Variants in ANO7 observed in about 807,000 individuals in gnomAD.
The protein encoded by ANO7 is anoctamin 7.
In ANO7, 114 loss-of-function variants were observed where a neutral mutation model predicts 115.8. The observed-to-expected ratio is 0.98, with a 90% confidence interval of 0.85 to 1.15. ANO7 has a LOEUF of 1.15. Among genes scored for constraint, ANO7 ranks in the 50% most tolerant of loss-of-function variants. The probability of loss-of-function intolerance (pLI) is 0.00; values close to 1 mark genes in which losing one functional copy is unlikely to be tolerated. For synonymous variants in ANO7, 550 were observed against 498.2 expected (o/e 1.10, Z -1.38); for missense variants, 1,302 against 1,201.2 (o/e 1.08, Z -1.24).
chr2:241,215,057 G>T (rs2068800090), intron 18 of ANO7, among the ~76,000 whole-genome samples, 155 bp downstream of exon 18: 1 of 152,200 alleles, frequency 6.6e-6, no homozygotes, highest in Non-Finnish European at 1.5e-5. Flanking sequence ...CCGGCCGTCT[G>T]CCCCGGGCTC....
At chr2:241,196,480 C>T (rs1206264045) in intron 4 of ANO7, among the ~76,000 whole-genome samples, 1 of 152,268 alleles carries the variant, frequency 6.6e-6, no homozygotes, top group Non-Finnish European at 1.5e-5. Flanking sequence ...CTTCCTCTGT[C>T]CCCAGGAGCA....
chr2:241,210,733 G>A (rs1427827911), intron 15 of ANO7, among the ~76,000 whole-genome samples, 163 bp downstream of exon 15: 1 of 152,192 alleles, frequency 6.6e-6, no homozygotes, highest in Non-Finnish European at 1.5e-5. Context: ...AAGCTGGAGT[G>A]CACTGGCACG....
intron 21 of ANO7, among the ~76,000 whole-genome samples, chr2:241,221,807 AGCTGGGATTACAGGT>A (rs2069026131): frequency 6.6e-6 from 1 of 151,692 alleles, no homozygotes; most frequent in African/African-American, 2.4e-5. Flanking sequence ...CCTCCTGAGT[AGCTGGGATTACAGGT>A]GCCTGCCACC....
chr2:241,221,606 G>A (rs568948671), intron 21 of ANO7, among the ~76,000 whole-genome samples: 5 of 146,848 alleles, frequency 3.4e-5, no homozygotes, highest in African/African-American at 7.6e-5. Context: ...CTCAAACTCC[G>A]AACCTCAGGT....
chr2:241,204,838 G>A (rs1385597056), intron 9 of ANO7, 27 bp from the exon 10 acceptor site: 1 of 1,600,274 alleles, frequency 6.2e-7, no homozygotes, highest in South Asian at 1.1e-5. Flanking sequence ...GGTTCCTGAT[G>A]GTGGACCCCT....
intron 4 of ANO7, among the ~76,000 whole-genome samples, chr2:241,198,904 T>C (rs775277270): frequency 6.6e-6 from 1 of 152,184 alleles, no homozygotes; most frequent in East Asian, 1.9e-4. Context: ...ACAGCATGCA[T>C]GTACACCTGG....
Position 241,208,511 on chromosome 2 carries a change from C to T in ANO7, c.1078-774C>T, listed in dbSNP as rs142185190. On this transcript the variant is annotated intron_variant, in intron 11 of 24. Coordinates refer to ENST00000674324, the MANE Select transcript of ANO7 (RefSeq NM_001370694.2). ...TGTAAGGGTTTGTCCAGAGTACTCTCATCTGGAGATCCTTACCTTACATCT... is the reference window on the plus strand; with the variant it reads ...TGTAAGGGTTTGTCCAGAGTACTCTTATCTGGAGATCCTTACCTTACATCT... 5.9e-3 allele frequency among the ~76,000 whole-genome samples: 898 copies of T among 152,336 alleles called. 8 individuals are homozygous for T. The highest frequency in any genetic ancestry group is 7.7e-3 in the Non-Finnish European group (527 of 68,042).
the ANO7 span, among the ~76,000 whole-genome samples, chr2:241,233,511 C>G: frequency 4.1e-4 from 63 of 152,258 alleles, no homozygotes; most frequent in Non-Finnish European, 7.4e-4. The surrounding 1 kb of genome is among the most constrained non-coding windows in gnomAD (Gnocchi z 4.3). Context: ...GCCCGGGTGA[C>G]AGGTGAATGA....
rs555846196 is a variant in ANO7 at position 241,211,250 on chromosome 2, T to C, written c.1561+680T>C. Among the ~76,000 whole-genome samples the C allele has an allele frequency of 4.8e-3, 728 of 152,258 alleles. 1 individual carries two copies. The highest frequency in any genetic ancestry group is 5.5e-3 in the Non-Finnish European group (372 of 68,024). On this transcript the variant is annotated intron_variant, in intron 15 of 24. Coordinates refer to ENST00000674324, the MANE Select transcript of ANO7 (RefSeq NM_001370694.2). The stretch of plus-strand genomic sequence containing the variant: ...CCCTCTAGGATAGGGCCGCTGAGCC[T>C]CTGTTGGGTGGTGTGGGGTATCGGC...
chr2:241,230,310 G>C (rs778316785), downstream of ANO7: 24 of 1,170,226 alleles, frequency 2.1e-5, no homozygotes, highest in South Asian at 3.1e-4. This position sits in a 1 kb window ranked among gnomAD's most constrained non-coding sequence, Gnocchi z 5.0. Context: ...GACTCCAAGC[G>C]AGGAAAAGGG....
chr2:241,217,547 G>T (rs2068861428), intron 19 of ANO7, 139 bp from the exon 20 acceptor site: 2 of 995,290 alleles, frequency 2.0e-6, no homozygotes, highest in Non-Finnish European at 2.9e-6. Context: ...CAGGACGAGG[G>T]AGACCAGGAG....
chr2:241,196,111 A>C, intron 4 of ANO7: 5 of 1,389,944 alleles, frequency 3.6e-6, no homozygotes, highest in Non-Finnish European at 4.7e-6. Flanking sequence ...AAACTCTGAC[A>C]CTACCTTTGC....
In ANO7 at chr2:241,225,928, ACTTC is replaced by A. The variant is rs1012802123; in HGVS notation, c.*1781_*1784del. Among the ~76,000 whole-genome samples the A allele has an allele frequency of 2.0e-5, 3 of 152,170 alleles. No homozygotes were observed. Among genetic ancestry groups the A allele is most frequent in the African/African-American group, 4.8e-5 (2 of 41,430 alleles). The stretch of plus-strand genomic sequence containing the variant: ...CAATGCTTACTACAAACCCACGTGT[ACTTC>A]CTTCCAGCTGGTTGCTTTTTATTGT... On this transcript the variant is annotated 3_prime_UTR_variant, in exon 25 of 25. Coordinates refer to ENST00000674324, the MANE Select transcript of ANO7 (RefSeq NM_001370694.2).
At chr2:241,200,415 C>G (rs569994895) in intron 6 of ANO7, among the ~76,000 whole-genome samples, 190 bp downstream of exon 6, 2 of 152,380 alleles carry the variant, frequency 1.3e-5, no homozygotes, top group African/African-American at 4.8e-5. Flanking sequence ...CGGGCTGGGG[C>G]GGTTGTGCTG....
At chr2:241,198,923 C>G (rs1008784113) in intron 4 of ANO7, among the ~76,000 whole-genome samples, 1 of 152,216 alleles carries the variant, frequency 6.6e-6, no homozygotes, top group African/African-American at 2.4e-5. Context: ...GGTGACCGAT[C>G]AAAGGTGAGG....
chr2:241,209,428 G>A lies in ANO7; in HGVS notation c.1221G>A (p.Glu407=), dbSNP rs748782809. 2 of 1,594,200 alleles carry A rather than the reference G, an allele frequency of 1.3e-6. No individual in the cohort carries two copies. The highest frequency in any genetic ancestry group is 1.3e-5 in the African/African-American group (1 of 74,372). The change falls in exon 12 of 25, where the codon GAG becomes GAA. Residue 407 remains glutamate, a splice_region_variant and synonymous_variant. Coordinates refer to ENST00000674324, the MANE Select transcript of ANO7 (RefSeq NM_001370694.2). ...RWDCSDYEDT[E]ERPRPQFAAS... ...ACTGCTCTGACTACGAGGACACTGAGGTGAGCCACCCCCGCTGGACCACGG... is the reference window on the plus strand; with the variant it reads ...ACTGCTCTGACTACGAGGACACTGAAGTGAGCCACCCCCGCTGGACCACGG...
intron 18 of ANO7, among the ~76,000 whole-genome samples, chr2:241,215,140 C>T (rs887625248): frequency 2.6e-5 from 4 of 152,202 alleles, no homozygotes; most frequent in Non-Finnish European, 5.9e-5. Context: ...AGACGCTACC[C>T]CTGGGACCAG....
intron 18 of ANO7, among the ~76,000 whole-genome samples, chr2:241,215,449 C>T (rs189786973): frequency 2.8e-4 from 43 of 152,348 alleles, no homozygotes; most frequent in Admixed American, 2.2e-3. Context: ...TCCCAGCGCC[C>T]CCTGAACACC....
At chr2:241,236,620 G>A in the ANO7 span, 2 of 1,614,080 alleles carry the variant, frequency 1.2e-6, no homozygotes, top group South Asian at 2.2e-5. Flanking sequence ...CATACCTCCA[G>A]AGCTTCCTTG....
Sources: gnomAD v4.1 joint callset for allele counts (sites outside exome capture counted in the v4.1 genomes callset) on GRCh38, gnomAD v4.1.1 for gene constraint, Gnocchi (gnomAD v3.1) non-coding constraint, MANE v1.5 for transcripts, NCBI Gene and HGNC (gene_info 2026-07-23, HGNC 2026-07-21) for gene names.